MAEL: variants seen among roughly 807,000 people sequenced by gnomAD.
MAEL encodes maelstrom spermatogenic transposon silencer.
In MAEL, 46 loss-of-function variants were observed where a neutral mutation model predicts 62.0. The observed-to-expected ratio is 0.74, with a 90% confidence interval of 0.59 to 0.95. MAEL has a LOEUF of 0.95. Ranked by LOEUF, MAEL falls within the 40% of genes least tolerant of loss-of-function variation. The probability of loss-of-function intolerance (pLI) is 0.00; values close to 1 mark genes in which losing one functional copy is unlikely to be tolerated. For synonymous variants in MAEL, 172 were observed against 175.5 expected, an observed-to-expected ratio of 0.98 and a Z score of 0.16; for missense variants, 497 against 526.8, an observed-to-expected ratio of 0.94 and a Z score of 0.55.
intron 5 of MAEL, among the ~76,000 whole-genome samples, chr1:166,997,070 C>G (rs905067235): frequency 1.2e-4 from 19 of 152,334 alleles, no homozygotes; most frequent in African/African-American, 4.6e-4. Flanking sequence ...TCATGATCTG[C>G]CCGCCTCGGT....
At chr1:166,986,945 CGTGTGT>C (rs58393275), upstream of MAEL, among the ~76,000 whole-genome samples, 24,826 of 147,008 alleles carry the variant, frequency 0.17, 2,197 homozygotes, top group East Asian at 0.25. Flanking sequence ...AGGAAGGGGA[CGTGTGT>C]GTGTGTGTGT....
chr1:167,002,974 T>C (rs1276746439), intron 5 of MAEL, among the ~76,000 whole-genome samples: 1 of 152,154 alleles, frequency 6.6e-6, no homozygotes, highest in Admixed American at 6.5e-5. Context: ...TCCAAGATTT[T>C]GGGCCCATGA....
intron 8 of MAEL, among the ~76,000 whole-genome samples, chr1:167,014,398 A>G (rs1318453905): frequency 6.6e-6 from 1 of 152,186 alleles, no homozygotes; most frequent in East Asian, 1.9e-4. Flanking sequence ...TCTTGTACAT[A>G]AGGCACTTGT....
chr1:167,021,093 G>T lies in MAEL; in HGVS notation c.1050G>T (p.Arg350Ser), dbSNP rs1372419965. 1.2e-6 allele frequency: 2 copies of T among 1,611,054 alleles called. No individual in the cohort carries two copies. The highest frequency in any genetic ancestry group is 1.7e-6 in the Non-Finnish European group (2 of 1,177,738). Residue 350 changes from arginine to serine, a missense_variant, in exon 11 of 12, where the codon AGG (arginine) becomes AGT (serine). Arg to Ser is a moderately radical substitution (Grantham distance 110). Transcript: ENST00000367872. ...TTTCCTGTTACTTACAGAAGCTAAG[G>T]GTTGGGAGTTCAGGATTCTCTCATT... Reference protein sequence around the residue: ...VLDAGRYQKLRVGSSGFSHFN... With the variant: ...VLDAGRYQKLSVGSSGFSHFN...
chr1:166,999,213 G>A (rs958358035), intron 5 of MAEL, among the ~76,000 whole-genome samples: 19 of 152,296 alleles, frequency 1.2e-4, no homozygotes, highest in African/African-American at 4.1e-4. Flanking sequence ...AAAAGCTGCA[G>A]TAGGCCAAAA....
upstream of MAEL, chr1:166,989,138 C>T: frequency 6.2e-6 from 4 of 641,248 alleles, no homozygotes; most frequent in Non-Finnish European, 1.0e-5. Flanking sequence ...ACGGCGCTCT[C>T]CCCCCACCTC....
At chr1:167,020,517 A>C (rs115351374) in intron 10 of MAEL, among the ~76,000 whole-genome samples, 2,820 of 152,160 alleles carry the variant, frequency 0.019, 33 homozygotes, top group Middle Eastern at 0.024. Context: ...TCTCCTAGAC[A>C]GTTATTTCTC....
intron 10 of MAEL, among the ~76,000 whole-genome samples, chr1:167,018,577 A>G (rs1462638861): frequency 6.6e-6 from 1 of 152,102 alleles, no homozygotes; most frequent in Non-Finnish European, 1.5e-5. Flanking sequence ...ATGCAGCAAT[A>G]TATGACAGTA....
Position 166,989,412 on chromosome 1 carries a change from C to A in MAEL, c.60C>A (p.Pro20=). Residue 20 remains proline, a synonymous_variant, in exon 1 of 12, where the codon CCC becomes CCA. Transcript: ENST00000367872. ...AYYFFVQEKI[P]ELRRRGLPVA... ...ATTTCTTCGTGCAGGAGAAGATCCC[C>A]GAACTACGGCGACGAGGCCTGCCTG... is the stretch of plus-strand genomic sequence containing the variant. The A allele has an allele frequency of 6.2e-7, 1 of 1,603,966 alleles. No individual in the cohort carries two copies. The highest frequency in any genetic ancestry group is 8.5e-7 in the Non-Finnish European group (1 of 1,175,588).
upstream of MAEL, among the ~76,000 whole-genome samples, chr1:166,988,935 T>G (rs1304574724): frequency 6.6e-6 from 1 of 152,216 alleles, no homozygotes; most frequent in Non-Finnish European, 1.5e-5. Flanking sequence ...TCCTCAACAC[T>G]TTTCACAGTG....
intron 8 of MAEL, among the ~76,000 whole-genome samples, chr1:167,014,020 A>G (rs1273587086): frequency 2.0e-5 from 3 of 152,170 alleles, no homozygotes; most frequent in African/African-American, 7.2e-5. Context: ...GCCTCTCCAG[A>G]GTTCTGATAG....
intron 8 of MAEL, among the ~76,000 whole-genome samples, chr1:167,013,645 C>G (rs980116815): frequency 6.6e-6 from 1 of 152,132 alleles, no homozygotes; most frequent in African/African-American, 2.4e-5. Context: ...TGTGGTCTCC[C>G]TGTTTTGTTC....
intron 10 of MAEL, among the ~76,000 whole-genome samples, chr1:167,018,761 A>C (rs12134016): frequency 0.15 from 22,743 of 152,160 alleles, 1,824 homozygotes; most frequent in East Asian, 0.24. Flanking sequence ...CGTACTTTAG[A>C]ATATACTGTA....
intron 1 of MAEL, 70 bp downstream of exon 1, chr1:166,989,554 A>G: frequency 6.5e-7 from 1 of 1,545,058 alleles, no homozygotes; most frequent in Non-Finnish European, 8.8e-7. Flanking sequence ...GCGGGAGGGC[A>G]GAAGGCCTCG....
chr1:167,007,907 CT>C (rs553717489), intron 8 of MAEL, among the ~76,000 whole-genome samples: 1 of 151,812 alleles, frequency 6.6e-6, no homozygotes, highest in Non-Finnish European at 1.5e-5. Flanking sequence ...TATTTAGGTT[CT>C]TTTTTCCCCT....
At chr1:166,999,579 T>C (rs906132782) in intron 5 of MAEL, among the ~76,000 whole-genome samples, 8 of 152,210 alleles carry the variant, frequency 5.3e-5, no homozygotes, top group African/African-American at 1.9e-4. Context: ...AGTGCTGACG[T>C]AGACGCTGCA....
At chr1:167,021,572 A>G (rs1665630587) in intron 11 of MAEL, 96 bp from the exon 12 acceptor site, 5 of 803,276 alleles carry the variant, frequency 6.2e-6, no homozygotes. Flanking sequence ...GCTTAGTGAA[A>G]GGCCTACAGT....
chr1:167,004,187 T>C lies in MAEL; in HGVS notation c.531T>C (p.Ser177=). ...FRFHCQAASD[S]SHKIPISNFE... The stretch of plus-strand genomic sequence containing the variant: ...CCTTTTTATTTCCCTCAGGTGATTC[T>C]AGTCACAAGATTCCTATTTCAAATT... Residue 177 remains serine, a synonymous_variant, in exon 6 of 12, where the codon TCT becomes TCC. Coordinates refer to ENST00000367872, the MANE Select transcript of MAEL (RefSeq NM_032858.3). 1.9e-6 allele frequency: 3 copies of C among 1,607,562 alleles called. No homozygotes were observed. Among genetic ancestry groups the C allele is most frequent in the East Asian group, 2.2e-5 (1 of 44,752 alleles).
At chr1:166,997,608 G>A (rs1015751176) in intron 5 of MAEL, among the ~76,000 whole-genome samples, 10 of 152,070 alleles carry the variant, frequency 6.6e-5, no homozygotes, top group African/African-American at 9.7e-5. Flanking sequence ...AGATGCAGTC[G>A]TAGCTCACTG....
Sources: allele counts gnomAD v4.1 joint callset (sites outside exome capture counted in the v4.1 genomes callset), GRCh38; gene constraint gnomAD v4.1.1; transcripts MANE v1.5; gene names NCBI Gene and HGNC (gene_info 2026-07-23, HGNC 2026-07-21).